The following AADACL4 variants were observed in gnomAD, a reference collection of about 807,000 sequenced individuals.
AADACL4 encodes arylacetamide deacetylase like 4.
In AADACL4, 9 loss-of-function variants were observed where a neutral mutation model predicts 14.1. The ratio of observed to expected loss-of-function variants is 0.64; its 90% CI spans 0.39 to 1.12. The LOEUF (loss-of-function observed/expected upper bound fraction) is 1.12, where lower values mean the gene tolerates loss of function less well. Ranked by LOEUF, AADACL4 falls within the 50% of genes most tolerant of loss-of-function variation. The pLI, the probability that AADACL4 is intolerant of heterozygous loss-of-function variation, is 0.01. For missense variants in AADACL4, 531 were observed against 516.1 expected (o/e 1.03, Z -0.28); for synonymous variants, 188 against 201.6 (o/e 0.93, Z 0.57).
intron 1 of AADACL4, among the ~76,000 whole-genome samples, chr1:12,646,419 A>G (rs1647112064): frequency 6.6e-6 from 1 of 152,224 alleles, no homozygotes; most frequent in Admixed American, 6.5e-5. Flanking sequence ...AACATTTTCT[A>G]AAAGATCACT....
intron 2 of AADACL4, among the ~76,000 whole-genome samples, chr1:12,658,139 C>CCTCT (rs1647196730): frequency 1.2e-5 from 1 of 84,858 alleles, no homozygotes; most frequent in Non-Finnish European, 2.2e-5. Flanking sequence ...TTCCTTCCTT[C>CCTCT]CTTTCTTTCT....
intron 3 of AADACL4, among the ~76,000 whole-genome samples, chr1:12,663,442 T>A (rs2246520): frequency 0.18 from 28,109 of 152,030 alleles, 4,601 homozygotes; most frequent in African/African-American, 0.44. Context: ...AGCTCTCTAA[T>A]GCCTCCTTCA....
At chr1:12,649,016 T>C (rs1325291234) in intron 1 of AADACL4, among the ~76,000 whole-genome samples, 1 of 152,198 alleles carries the variant, frequency 6.6e-6, no homozygotes, top group African/African-American at 2.4e-5. Context: ...CTGAGACCTT[T>C]GCTCATGAGA....
chr1:12,657,731 C>T (rs1375338579), intron 2 of AADACL4, among the ~76,000 whole-genome samples: 1 of 152,134 alleles, frequency 6.6e-6, no homozygotes, highest in African/African-American at 2.4e-5. Context: ...TGGGTCCACA[C>T]CCATTCTGGG....
intron 2 of AADACL4, among the ~76,000 whole-genome samples, chr1:12,652,253 G>A (rs563304966): frequency 3.3e-5 from 5 of 152,064 alleles, no homozygotes; most frequent in East Asian, 1.9e-4. Context: ...TCCTTTACCC[G>A]TTCACTCAGC....
At chr1:12,662,989 G>C (rs1172023947) in intron 3 of AADACL4, among the ~76,000 whole-genome samples, 1 of 152,194 alleles carries the variant, frequency 6.6e-6, no homozygotes, top group African/African-American at 2.4e-5. Context: ...TGCTTAGGAT[G>C]CCATTATCCC....
Position 12,666,773 on chromosome 1 carries a change from T to G in AADACL4, c.*38T>G, listed in dbSNP as rs747694348. 2 of 1,541,010 alleles carry G rather than the reference T, an allele frequency of 1.3e-6. No homozygotes were observed. The highest frequency in any genetic ancestry group is 2.5e-5 in the South Asian group (2 of 80,958). On this transcript the variant is annotated 3_prime_UTR_variant, in exon 4 of 4. Transcript: ENST00000376221. ...GGCCCCGAGGAGGAAGGGGCAAGTA[T>G]GGACTCTACCAGAAACCGGGTGCTT...
chr1:12,651,054 T>C lies in AADACL4; in HGVS notation c.169-69T>C, dbSNP rs368891966. The stretch of plus-strand genomic sequence containing the variant: ...GTGAAAACATCCTAACAATTCTAAG[T>C]GTCAGGGAATCTACCATCCAGATTC... On this transcript the variant is annotated intron_variant, in intron 1 of 3. Transcript: ENST00000376221. 1.2e-5 allele frequency: 17 copies of C among 1,434,700 alleles called. 1 individual carries two copies. Among genetic ancestry groups the C allele is most frequent in the Middle Eastern group, 1.8e-4 (1 of 5,682 alleles). 88.9% of individuals were successfully genotyped at this position (1,434,700 alleles called of 1,614,324 possible).
At position 12,644,527 on chromosome 1, in the gene AADACL4, C is replaced by A. The variant is rs766612216; in HGVS notation, c.-20C>A. ...TCAGACAAGCTCCTCAGGGCAGCAG[C>A]TCCTCAAGGCCCCAGGAACATGGCT... On this transcript the variant is annotated 5_prime_UTR_variant, in exon 1 of 4. Coordinates refer to ENST00000376221, the MANE Select transcript of AADACL4 (RefSeq NM_001013630.2). 6.2e-7 allele frequency: 1 copy of A among 1,611,940 alleles called. No individual in the cohort carries two copies. Among genetic ancestry groups the A allele is most frequent in the Non-Finnish European group, 8.5e-7 (1 of 1,179,054 alleles).
At position 12,660,668 on chromosome 1, in the gene AADACL4, G is replaced by A. The variant is rs568583977; in HGVS notation, c.386-1123G>A. Among the ~76,000 whole-genome samples, 6 of 152,126 alleles carry A rather than the reference G, an allele frequency of 3.9e-5. No homozygotes were observed. The South Asian group carries it at 1.0e-3, about 26-fold the overall frequency. ...GCATCAGCATTTTTTTTTTGAGATG[G>A]AGTCTTGCTCTGTCACCCAGGCTGG... On this transcript the variant is annotated intron_variant, in intron 2 of 3. Transcript: ENST00000376221.
chr1:12,654,127 A>C (rs1443695155), intron 2 of AADACL4, among the ~76,000 whole-genome samples: 1 of 152,252 alleles, frequency 6.6e-6, no homozygotes, highest in African/African-American at 2.4e-5. Context: ...CATAAGATCT[A>C]ATACCATGAA....
chr1:12,652,835 C>A (rs1647157698), intron 2 of AADACL4, among the ~76,000 whole-genome samples: 1 of 152,172 alleles, frequency 6.6e-6, no homozygotes, highest in South Asian at 2.1e-4. Flanking sequence ...CAGGTCCAAT[C>A]CAGTGCCATG....
At chr1:12,660,211 G>A (rs900029236) in intron 2 of AADACL4, among the ~76,000 whole-genome samples, 2 of 152,226 alleles carry the variant, frequency 1.3e-5, no homozygotes, top group African/African-American at 2.4e-5. Flanking sequence ...GCTTCCCAAA[G>A]TGCTGGGATT....
At chr1:12,644,836 G>A (rs1557546211) in intron 1 of AADACL4, 122 bp downstream of exon 1, 2 of 1,119,722 alleles carry the variant, frequency 1.8e-6, no homozygotes, top group Non-Finnish European at 2.6e-6. Context: ...CCTCAAGATA[G>A]ACTTGTCTCT....
chr1:12,652,958 C>T (rs557758779), intron 2 of AADACL4, among the ~76,000 whole-genome samples: 99 of 152,336 alleles, frequency 6.5e-4, no homozygotes, highest in African/African-American at 2.3e-3. Context: ...AAACCGCTGC[C>T]TGGAATTTTC....
intron 2 of AADACL4, among the ~76,000 whole-genome samples, chr1:12,652,881 C>A (rs796170525): frequency 7.2e-5 from 11 of 152,336 alleles, no homozygotes; most frequent in African/African-American, 2.4e-4. Context: ...TTGGTCCACA[C>A]CCTGGCTTTT....
At chr1:12,658,083 TTCTTTC>T (rs1325187159) in intron 2 of AADACL4, among the ~76,000 whole-genome samples, 5 of 138,786 alleles carry the variant, frequency 3.6e-5, no homozygotes, top group East Asian at 2.0e-4. Context: ...CTTTCTTTCT[TTCTTTC>T]TCTTTCTTTC....
At chr1:12,659,140 C>G (rs1439790999) in intron 2 of AADACL4, among the ~76,000 whole-genome samples, 1 of 152,146 alleles carries the variant, frequency 6.6e-6, no homozygotes, top group Non-Finnish European at 1.5e-5. Flanking sequence ...ATAACTTCCC[C>G]GAGATTAGGA....
chr1:12,644,461 G>T lies in AADACL4; in HGVS notation c.-86G>T. ...GCCCAGAGAGAGTGAGGTGGAGGAGGCGGAGGGTGTAACCCAGCCAGGTCC... is the reference window on the plus strand; with the variant it reads ...GCCCAGAGAGAGTGAGGTGGAGGAGTCGGAGGGTGTAACCCAGCCAGGTCC... On this transcript the variant is annotated 5_prime_UTR_variant, in exon 1 of 4. Coordinates refer to ENST00000376221, the MANE Select transcript of AADACL4 (RefSeq NM_001013630.2). 1 of 1,419,724 alleles carries T rather than the reference G, an allele frequency of 7.0e-7. No homozygotes were observed. The highest frequency in any genetic ancestry group is 1.9e-5 in the Admixed American group (1 of 51,432). 87.9% of individuals were successfully genotyped at this position (1,419,724 alleles called of 1,614,324 possible).
Sources: allele counts gnomAD v4.1 joint callset (sites outside exome capture counted in the v4.1 genomes callset), GRCh38; gene constraint gnomAD v4.1.1; transcripts MANE v1.5; gene names NCBI Gene and HGNC (gene_info 2026-07-23, HGNC 2026-07-21).